The following SRRT variants were observed in gnomAD, a reference collection of about 807,000 sequenced individuals.
SRRT encodes the protein serrate, RNA effector molecule.
A neutral mutation model predicts 103.2 loss-of-function variants in SRRT; 32 were observed. The ratio of observed to expected loss-of-function variants is 0.31; its 90% confidence interval spans 0.23 to 0.42. SRRT has a LOEUF of 0.42. SRRT is among the 10% of genes least tolerant of loss of function. SRRT has a pLI of 1.00. For synonymous variants in SRRT, 525 were observed against 449.0 expected (o/e 1.17, Z -2.14); for missense variants, 986 against 1,207.5 (o/e 0.82, Z 2.72).
intron 2 of SRRT, 38 bp from the exon 3 acceptor site, chr7:100,881,247 C>T: frequency 1.3e-6 from 2 of 1,593,100 alleles, no homozygotes; most frequent in Non-Finnish European, 1.7e-6. Flanking sequence ...AGCCACTGTG[C>T]CTGGCCTTTA....
rs1242284432 is a variant in SRRT at position 100,875,563 on chromosome 7, C to T, written c.-18-10C>T. The T allele has an allele frequency of 1.2e-6, 2 of 1,612,988 alleles. No homozygotes were observed. The highest frequency in any genetic ancestry group is 1.7e-6 in the Non-Finnish European group (2 of 1,179,350). ...TTGCACCACTCCTACCGCCTCTCCCCGGTCCCCAGGCCCCCTCAGACCGTG... is the reference window on the plus strand; with the variant it reads ...TTGCACCACTCCTACCGCCTCTCCCTGGTCCCCAGGCCCCCTCAGACCGTG... On this transcript the variant is annotated splice_polypyrimidine_tract_variant and intron_variant, in intron 1 of 19. Transcript: ENST00000611405.
At chr7:100,879,967 G>A (rs1009664284) in intron 2 of SRRT, among the ~76,000 whole-genome samples, 1 of 152,198 alleles carries the variant, frequency 6.6e-6, no homozygotes, top group African/African-American at 2.4e-5. Context: ...TACTGACATT[G>A]AAGTAACGGT....
intron 13 of SRRT, 137 bp from the exon 14 acceptor site, chr7:100,886,658 A>G (rs1790136404): frequency 2.7e-6 from 3 of 1,098,544 alleles, no homozygotes; most frequent in Non-Finnish European, 4.0e-6. Context: ...AAATAAAGAC[A>G]AATCTCAAGG....
chr7:100,886,650 A>G (rs1790135746), intron 13 of SRRT, 145 bp from the exon 14 acceptor site: 2 of 1,067,064 alleles, frequency 1.9e-6, no homozygotes, highest in Non-Finnish European at 2.7e-6. Flanking sequence ...AAAAGCTAAA[A>G]TAAAGACAAA....
chr7:100,885,224 A>G lies in SRRT; in HGVS notation c.1171A>G (p.Lys391Glu). 1 of 1,613,958 alleles carries G rather than the reference A, an allele frequency of 6.2e-7. No homozygotes were observed. The highest frequency in any genetic ancestry group is 8.5e-7 in the Non-Finnish European group (1 of 1,179,926). ...EEKEEAEEALKEKEKPKEEEW... is the reference protein window; with the variant it reads ...EEKEEAEEALEEKEKPKEEEW... ...CCCTTCCTGCCTAGAAGAAGCGCTC[A>G]AGGAGAAGGAGAAGCCCAAGGAAGA... The change falls in exon 10 of 20, where the codon AAG becomes GAG. Residue 391 changes from lysine (K) to glutamate (E), a missense_variant. Transcript: ENST00000611405. The surrounding 1 kb of genome is among the most constrained non-coding windows in gnomAD (Gnocchi z 4.8).
rs13243797 is a variant in SRRT, at chr7:100,887,903, C to G, written c.2326+44C>G. 0.011 allele frequency: 17,007 copies of G among 1,577,940 alleles called. 123 individuals are homozygous for G. Among genetic ancestry groups the G allele is most frequent in the Non-Finnish European group, 0.013 (15,207 of 1,156,676 alleles). On this transcript the variant is annotated intron_variant, in intron 17 of 19. Transcript: ENST00000611405. This position sits in a 1 kb window ranked among gnomAD's most constrained non-coding sequence, Gnocchi z 4.1. Reference sequence around the variant, plus strand: ...AGGTCGCATGTGCCCTCTTCCTTGACTACCCAGGGACTCCTGTTTCTCTTT... The same window carrying G: ...AGGTCGCATGTGCCCTCTTCCTTGAGTACCCAGGGACTCCTGTTTCTCTTT...
rs748472960 is a variant in SRRT, at chr7:100,887,412, C to T, written c.2068C>T (p.Arg690Cys). 4.3e-6 allele frequency: 7 copies of T among 1,614,014 alleles called. No individual in the cohort carries two copies. Among genetic ancestry groups the T allele is most frequent in the Non-Finnish European group, 5.9e-6 (7 of 1,180,042 alleles). ...AGAGGAAGAGGCCCAGAAGATGGGG[C>T]GCAAAGACCCAGAGCAGGAAGTGGA... Reference protein sequence around the residue: ...LSEEEAQKMGRKDPEQEVEKF... With the variant: ...LSEEEAQKMGCKDPEQEVEKF... The change falls in exon 16 of 20, where the codon CGC (arginine) becomes TGC (cysteine). Residue 690 changes from arginine (R) to cysteine (C), a missense_variant. Around this residue, in one of 6 missense-constraint regions of SRRT, gnomAD observed 349 missense variants for 446.9 expected, o/e 0.78. Coordinates refer to ENST00000611405, the MANE Select transcript of SRRT (RefSeq NM_015908.6). The surrounding 1 kb of genome is among the most constrained non-coding windows in gnomAD (Gnocchi z 4.1).
At position 100,886,442 on chromosome 7, in the gene SRRT, G is replaced by T; in HGVS notation, c.1647+7G>T. ...GACGCCTCCCCTGCCCACGGTCAGT[G>T]ACTCCCCAAAGGACTTTGTCAGAAG... On this transcript the variant is annotated splice_region_variant and intron_variant, in intron 13 of 19. Transcript: ENST00000611405. 1 of 1,607,752 alleles carries T rather than the reference G, an allele frequency of 6.2e-7. No homozygotes were observed. Among genetic ancestry groups the T allele is most frequent in the South Asian group, 1.1e-5 (1 of 90,420 alleles).
At chr7:100,875,979 T>C in intron 2 of SRRT, 1 of 390,732 alleles carries the variant, frequency 2.6e-6, no homozygotes, top group African/African-American at 2.1e-5. Context: ...GCGTGCTTTT[T>C]TGCTTTTTTT....
intron 2 of SRRT, 35 bp from the exon 3 acceptor site, chr7:100,881,250 G>A: frequency 2.5e-6 from 4 of 1,595,246 alleles, no homozygotes; most frequent in Non-Finnish European, 3.4e-6. Flanking sequence ...CACTGTGCCT[G>A]GCCTTTAATC....
At position 100,885,685 on chromosome 7, in the gene SRRT, T is replaced by G; in HGVS notation, c.1318-16T>G. 1 of 1,602,206 alleles carries G rather than the reference T, an allele frequency of 6.2e-7. No individual in the cohort carries two copies. Among genetic ancestry groups the G allele is most frequent in the Non-Finnish European group, 8.5e-7 (1 of 1,173,644 alleles). ...ATCCTTGAGTCACTGTGGGGCTGCTTTTCTGCTTCTTGCAGCTTTGTAAAA... is the reference window on the plus strand; with the variant it reads ...ATCCTTGAGTCACTGTGGGGCTGCTGTTCTGCTTCTTGCAGCTTTGTAAAA... On this transcript the variant is annotated splice_polypyrimidine_tract_variant and intron_variant, in intron 10 of 19. Coordinates refer to ENST00000611405, the MANE Select transcript of SRRT (RefSeq NM_015908.6). The surrounding 1 kb of genome is among the most constrained non-coding windows in gnomAD (Gnocchi z 4.8).
In SRRT at chr7:100,888,603, A is replaced by G. The variant is rs202030567; in HGVS notation, c.*54A>G. ...ATCCATACTTGTACTACCTTGTCCT[A>G]TGAAGCTCTGAGAATTTTTTGTACG... On this transcript the variant is annotated 3_prime_UTR_variant, in exon 20 of 20. Transcript: ENST00000611405. The G allele has an allele frequency of 1.0e-3, 1,654 of 1,608,964 alleles. 13 individuals carry two copies. In the South Asian group the frequency reaches 0.011, roughly 11 times the overall value.
Position 100,884,670 on chromosome 7 carries a change from G to A in SRRT, c.943-70G>A, listed in dbSNP as rs1344813501. 13 of 1,558,448 alleles carry A rather than the reference G, an allele frequency of 8.3e-6. No individual in the cohort carries two copies. The Admixed American group carries it at 1.6e-4, about 19-fold the overall frequency. On this transcript the variant is annotated intron_variant, in intron 7 of 19. Coordinates refer to ENST00000611405, the MANE Select transcript of SRRT (RefSeq NM_015908.6). ...AAAATGAACCTGTGGCCTCAGCTGT[G>A]GGGGTGGGGGCCCTCTGATAAAGGT... is the stretch of plus-strand genomic sequence containing the variant.
intron 7 of SRRT, 86 bp downstream of exon 7, chr7:100,884,638 G>A: frequency 6.8e-7 from 1 of 1,461,654 alleles, no homozygotes; most frequent in East Asian, 2.5e-5. Context: ...GAAGTAGGGG[G>A]CTGGGGAAAA....
rs1790094158 is a variant in SRRT at position 100,886,305 on chromosome 7, ACATCAACGG to A, written c.1523_1531del (p.Asn508_Ile510del). On this transcript the variant is annotated inframe_deletion, in exon 13 of 20. Coordinates refer to ENST00000611405, the MANE Select transcript of SRRT (RefSeq NM_015908.6). ...AGGGACCTGACCCGGCGCGTTCGCA[ACATCAACGG>A]CATCACCCAGCACAAGCAGATTGTG... 6.2e-7 allele frequency: 1 copy of A among 1,613,494 alleles called. No homozygotes were observed. The highest frequency in any genetic ancestry group is 8.5e-7 in the Non-Finnish European group (1 of 1,180,030).
chr7:100,887,969 A>C lies in SRRT; in HGVS notation c.2327-73A>C, dbSNP rs1790312211. On this transcript the variant is annotated intron_variant, in intron 17 of 19. Transcript: ENST00000611405. The surrounding 1 kb of genome is among the most constrained non-coding windows in gnomAD (Gnocchi z 4.1). Reference sequence around the variant, plus strand: ...GAAGTTTCTGCCCCATCCTCAGGCCATAGCCCTAGAAGTCAATTGTACCCG... The same window carrying C: ...GAAGTTTCTGCCCCATCCTCAGGCCCTAGCCCTAGAAGTCAATTGTACCCG... 2 of 1,531,550 alleles carry C rather than the reference A, an allele frequency of 1.3e-6. No individual in the cohort carries two copies. Among genetic ancestry groups the C allele is most frequent in the East Asian group, 4.5e-5 (2 of 44,040 alleles). 94.9% of individuals were successfully genotyped at this position (1,531,550 alleles called of 1,614,324 possible). A position where few individuals can be genotyped will look rare whatever the true frequency, so the allele number is the denominator to read the frequency against.
rs750862483 is a variant in SRRT, at chr7:100,882,019, A to G, written c.399-34A>G. On this transcript the variant is annotated intron_variant, in intron 4 of 19. Transcript: ENST00000611405. This position sits in a 1 kb window ranked among gnomAD's most constrained non-coding sequence, Gnocchi z 4.2. ...CCCTGTAGCCTCCCACCGTTCCCCAAAAACCAAGCCTTCCTGACCGGGGTC... is the reference window on the plus strand; with the variant it reads ...CCCTGTAGCCTCCCACCGTTCCCCAGAAACCAAGCCTTCCTGACCGGGGTC... 3.1e-6 allele frequency: 5 copies of G among 1,593,204 alleles called. No homozygotes were observed. The South Asian group carries it at 3.4e-5, about 11-fold the overall frequency.
rs746977672 is a variant in SRRT, at chr7:100,882,286, C to G, written c.587+45C>G. ...TGGACCTCTGCCCTGGCATGTCCCCCTGGCCCCGCTGGTGGAGCCACAGCC... is the reference window on the plus strand; with the variant it reads ...TGGACCTCTGCCCTGGCATGTCCCCGTGGCCCCGCTGGTGGAGCCACAGCC... On this transcript the variant is annotated intron_variant, in intron 5 of 19. Transcript: ENST00000611405. The surrounding 1 kb of genome is among the most constrained non-coding windows in gnomAD (Gnocchi z 4.2). 1 of 1,587,786 alleles carries G rather than the reference C, an allele frequency of 6.3e-7. No individual in the cohort carries two copies. The highest frequency in any genetic ancestry group is 1.3e-5 in the African/African-American group (1 of 74,426).
chr7:100,882,519 C>T lies in SRRT; in HGVS notation c.587+278C>T, dbSNP rs1789677591. 2 of 348,926 alleles carry T rather than the reference C, an allele frequency of 5.7e-6. No homozygotes were observed. The highest frequency in any genetic ancestry group is 1.1e-5 in the Non-Finnish European group (2 of 189,836). The allele number at this position is 348,926 out of a possible 1,614,324, so 21.6% of individuals were successfully genotyped here. ...TTGGCCCCTTGGGGCAGCAGACAGA[C>T]TGCTTCCCACTTGTTGGTGTTGGGT... On this transcript the variant is annotated intron_variant, in intron 5 of 19. Coordinates refer to ENST00000611405, the MANE Select transcript of SRRT (RefSeq NM_015908.6). This position sits in a 1 kb window ranked among gnomAD's most constrained non-coding sequence, Gnocchi z 4.2.
Sources: gnomAD v4.1 joint callset for allele counts (sites outside exome capture counted in the v4.1 genomes callset) on GRCh38, gnomAD v4.1.1 for gene constraint, gnomAD v4.1.1 regional missense constraint, Gnocchi (gnomAD v3.1) non-coding constraint, MANE v1.5 for transcripts, NCBI Gene and HGNC (gene_info 2026-07-23, HGNC 2026-07-21) for gene names.